The following CFHR5 variants were observed in gnomAD, a reference collection of about 807,000 sequenced individuals.
The protein encoded by CFHR5 is complement factor H related 5.
CFHR5 carries 73 observed loss-of-function variants against 62.9 expected under a neutral mutation model. The ratio of observed to expected loss-of-function variants is 1.16; its 90% CI spans 0.96 to 1.41. The LOEUF is 1.41. Among genes scored for constraint, CFHR5 ranks in the 40% most tolerant of loss-of-function variants. The probability of loss-of-function intolerance (pLI) is 0.00; values close to 1 mark genes in which losing one functional copy is unlikely to be tolerated. For missense variants in CFHR5, 779 were observed against 679.9 expected (o/e 1.15, Z -1.62); for synonymous variants, 249 against 227.2 (o/e 1.10, Z -0.86).
chr1:196,995,677 T>A, intron 4 of CFHR5, 40 bp from the exon 5 acceptor site: 1 of 1,545,834 alleles, frequency 6.5e-7, no homozygotes. Flanking sequence ...TCTATACTTA[T>A]AAGACCATTT....
At chr1:196,984,964 A>C (rs1481207770) in intron 3 of CFHR5, among the ~76,000 whole-genome samples, 1 of 152,084 alleles carries the variant, frequency 6.6e-6, no homozygotes, top group Non-Finnish European at 1.5e-5. Context: ...GCTTTCATTG[A>C]CTTTGCTTTA....
intron 1 of CFHR5, among the ~76,000 whole-genome samples, chr1:196,981,536 T>C (rs1653540666): frequency 6.6e-6 from 1 of 150,922 alleles, no homozygotes; most frequent in South Asian, 2.1e-4. Context: ...AAAAATAGAG[T>C]CAAAACATGA....
At chr1:197,003,145 G>C (rs1170974827) in intron 8 of CFHR5, among the ~76,000 whole-genome samples, 1 of 152,152 alleles carries the variant, frequency 6.6e-6, no homozygotes, top group East Asian at 1.9e-4. Context: ...TCAGGCATTA[G>C]ATTCTCATAA....
chr1:196,992,011 C>G (rs1294356371), intron 3 of CFHR5, among the ~76,000 whole-genome samples: 1 of 152,242 alleles, frequency 6.6e-6, no homozygotes. Flanking sequence ...TTTACAGAAG[C>G]AGCAGGCCTT....
intron 1 of CFHR5, among the ~76,000 whole-genome samples, chr1:196,979,759 G>A (rs1051447455): frequency 6.6e-6 from 1 of 151,882 alleles, no homozygotes; most frequent in Non-Finnish European, 1.5e-5. Flanking sequence ...ATTTTGGGGG[G>A]AGCAGGTGGT....
intron 1 of CFHR5, among the ~76,000 whole-genome samples, chr1:196,981,255 T>C (rs1653533988): frequency 6.6e-6 from 1 of 152,088 alleles, no homozygotes; most frequent in Non-Finnish European, 1.5e-5. Flanking sequence ...CACACTATAT[T>C]GAGGAAATAT....
Position 196,983,054 on chromosome 1 carries a change from A to G in CFHR5, c.228A>G (p.Gly76=). 1 of 1,614,144 alleles carries G rather than the reference A, an allele frequency of 6.2e-7. No homozygotes were observed. The highest frequency in any genetic ancestry group is 8.5e-7 in the Non-Finnish European group (1 of 1,180,020). Residue 76 remains glycine (G), a synonymous_variant, in exon 2 of 10, where the codon GGA becomes GGG. Transcript: ENST00000256785. Reference sequence around the variant, plus strand: ...CTCGCATAACATGCACAGAAGAAGGATGGTCACCAACACCGAAGTGTCTCA... The same window carrying G: ...CTCGCATAACATGCACAGAAGAAGGGTGGTCACCAACACCGAAGTGTCTCA... ...FWTRITCTEE[G]WSPTPKCLRM...
At chr1:196,989,945 A>G (rs931950149) in intron 3 of CFHR5, among the ~76,000 whole-genome samples, 2 of 152,042 alleles carry the variant, frequency 1.3e-5, no homozygotes, top group African/African-American at 4.8e-5. Context: ...TTGTCTCATT[A>G]ATCTGTCTAA....
At chr1:196,984,186 A>T (rs756775443) in intron 3 of CFHR5, 49 bp downstream of exon 3, 1 of 1,461,436 alleles carries the variant, frequency 6.8e-7, no homozygotes, top group Non-Finnish European at 9.5e-7. Flanking sequence ...TAAAGAAATA[A>T]ATCTATAGTT....
chr1:196,975,285 C>T (rs886794104), upstream of CFHR5, among the ~76,000 whole-genome samples: 7 of 152,198 alleles, frequency 4.6e-5, no homozygotes, highest in African/African-American at 1.7e-4. Flanking sequence ...ACATTGGAGT[C>T]ATCGTATTAT....
intron 3 of CFHR5, among the ~76,000 whole-genome samples, chr1:196,993,780 A>G (rs1368969637): frequency 6.6e-6 from 1 of 152,172 alleles, no homozygotes; most frequent in Non-Finnish European, 1.5e-5. Context: ...TAGAACTAAT[A>G]TTGCTAATTA....
Position 196,996,111 on chromosome 1 carries a change from G to C in CFHR5, c.880G>C (p.Glu294Gln). The C allele has an allele frequency of 6.2e-7, 1 of 1,613,350 alleles. No homozygotes were observed. The highest frequency in any genetic ancestry group is 8.5e-7 in the Non-Finnish European group (1 of 1,179,412). Residue 294 changes from glutamate to glutamine, a missense_variant, in exon 6 of 10, where the codon GAG becomes CAG. By Grantham distance (29) the Glu-to-Gln change is conservative. Transcript: ENST00000256785. ...VPPYQHGVSV[E>Q]VNCRNEYAMI... ...TCCCTATCAACATGGAGTTTCAGTC[G>C]AGGTGAATTGCAGAAATGAATATGC...
intron 9 of CFHR5, among the ~76,000 whole-genome samples, chr1:197,007,114 C>T (rs575525507): frequency 2.0e-4 from 31 of 152,044 alleles, no homozygotes; most frequent in East Asian, 1.9e-3. Flanking sequence ...TGATTACAGG[C>T]GTGAGCCACC....
In CFHR5 at chr1:197,009,011, C is replaced by A; in HGVS notation, c.*328C>A. 1 of 239,406 alleles carries A rather than the reference C, an allele frequency of 4.2e-6. No individual in the cohort carries two copies. Among genetic ancestry groups the A allele is most frequent in the Non-Finnish European group, 8.3e-6 (1 of 120,026 alleles). 14.8% of individuals were successfully genotyped at this position (239,406 alleles called of 1,614,324 possible). The stretch of plus-strand genomic sequence containing the variant: ...GGGCTGCCTCTGGTGAGGGTCTTCT[C>A]GAAGCATCATAATATGCTGGAAGGC... On this transcript the variant is annotated 3_prime_UTR_variant, in exon 10 of 10. Transcript: ENST00000256785.
chr1:197,006,120 G>T (rs180708314), intron 9 of CFHR5, among the ~76,000 whole-genome samples: 2 of 152,152 alleles, frequency 1.3e-5, no homozygotes, highest in African/African-American at 4.8e-5. Context: ...AAAATTCGCA[G>T]AAATTATCAT....
intron 1 of CFHR5, among the ~76,000 whole-genome samples, chr1:196,979,083 C>T (rs964717954): frequency 1.3e-5 from 2 of 152,132 alleles, no homozygotes; most frequent in African/African-American, 4.8e-5. Context: ...AAACTGCATG[C>T]TTCCAGTAGC....
intron 8 of CFHR5, among the ~76,000 whole-genome samples, chr1:197,003,670 G>A (rs1654207643): frequency 6.6e-6 from 1 of 152,148 alleles, no homozygotes; most frequent in Admixed American, 6.5e-5. Context: ...TAGGGGGTAA[G>A]TAATTGCAGT....
rs377661420 is a variant in CFHR5 at position 196,982,753 on chromosome 1, G to A, written c.59-132G>A. On this transcript the variant is annotated intron_variant, in intron 1 of 9. Transcript: ENST00000256785. ...TTCTTCATTCCAAATTAGTACACTG[G>A]AAAGCATTTAAGCTAAAGGCATTTA... The A allele has an allele frequency of 1.5e-4, 114 of 769,662 alleles. 1 individual carries two copies. In the South Asian group the frequency reaches 1.7e-3, roughly 11 times the overall value. The allele number at this position is 769,662 out of a possible 1,614,324, so 47.7% of individuals were successfully genotyped here.
Position 197,009,029 on chromosome 1 carries a change from T to G in CFHR5, c.*346T>G. 4.7e-6 allele frequency: 1 copy of G among 210,726 alleles called. No individual in the cohort carries two copies. The highest frequency in any genetic ancestry group is 9.6e-6 in the Non-Finnish European group (1 of 104,260). 13.1% of individuals were successfully genotyped at this position (210,726 alleles called of 1,614,324 possible). A position where few individuals can be genotyped will look rare whatever the true frequency, so the allele number is the denominator to read the frequency against. Reference sequence around the variant, plus strand: ...GTCTTCTCGAAGCATCATAATATGCTGGAAGGCATCACAACATGGTGGAAG... The same window carrying G: ...GTCTTCTCGAAGCATCATAATATGCGGGAAGGCATCACAACATGGTGGAAG... On this transcript the variant is annotated 3_prime_UTR_variant, in exon 10 of 10. Transcript: ENST00000256785.
Sources: gnomAD v4.1 joint callset for allele counts (sites outside exome capture counted in the v4.1 genomes callset) on GRCh38, gnomAD v4.1.1 for gene constraint, MANE v1.5 for transcripts, NCBI Gene and HGNC (gene_info 2026-07-23, HGNC 2026-07-21) for gene names.